The following LRIF1 variants were observed in gnomAD, a reference collection of about 807,000 sequenced individuals.
LRIF1 encodes ligand dependent nuclear receptor interacting factor 1, also known as ligand-dependent nuclear receptor-interacting factor 1.
In LRIF1, 32 loss-of-function variants were observed where a neutral mutation model predicts 52.7. The observed-to-expected ratio is 0.61, with a 90% CI of 0.46 to 0.82. The LOEUF (loss-of-function observed/expected upper bound fraction) is 0.82. LRIF1 is among the 40% of genes least tolerant of loss of function. The pLI is 0.00. For synonymous variants in LRIF1, 323 were observed against 317.4 expected (o/e 1.02, Z -0.19); for missense variants, 887 against 892.0 (o/e 0.99, Z 0.07).
the LRIF1 span, chr1:110,941,407 G>A: frequency 6.6e-6 from 1 of 151,986 alleles, no homozygotes; most frequent in Non-Finnish European, 1.5e-5. Flanking sequence ...CTCCAACAGT[G>A]AGAAACCTGG....
chr1:110,877,384 A>T, the LRIF1 span, among the ~76,000 whole-genome samples: 1 of 152,220 alleles, frequency 6.6e-6, no homozygotes, highest in Non-Finnish European at 1.5e-5. Context: ...CCTCTAGCCG[A>T]GGGACCCCGT....
At chr1:110,902,512 A>AG in the LRIF1 span, among the ~76,000 whole-genome samples, 4 of 148,934 alleles carry the variant, frequency 2.7e-5, no homozygotes, top group South Asian at 6.4e-4. Flanking sequence ...AAAAAAAAAA[A>AG]AAAAAAAAGA....
chr1:110,932,460 A>T, the LRIF1 span, among the ~76,000 whole-genome samples: 1 of 152,148 alleles, frequency 6.6e-6, no homozygotes. Flanking sequence ...TGTCTTGGCA[A>T]TGTGGGCTCT....
chr1:110,949,452 C>T (rs1208235241), intron 3 of LRIF1, among the ~76,000 whole-genome samples: 1 of 143,726 alleles, frequency 7.0e-6, no homozygotes, highest in Non-Finnish European at 1.5e-5. Flanking sequence ...TGGAGTCCTG[C>T]CCTGTCGCCT....
At chr1:110,875,593 C>T in the LRIF1 span, among the ~76,000 whole-genome samples, 1 of 152,296 alleles carries the variant, frequency 6.6e-6, no homozygotes, top group Non-Finnish European at 1.5e-5. Flanking sequence ...ACTTCTTGTA[C>T]CAAGCAAGCA....
At chr1:110,920,597 C>T in the LRIF1 span, among the ~76,000 whole-genome samples, 52 of 152,234 alleles carry the variant, frequency 3.4e-4, 1 homozygote, top group Admixed American at 1.3e-3. Flanking sequence ...TCTTATAATA[C>T]TACAATGGTA....
chr1:110,947,395 A>G lies in LRIF1; in HGVS notation c.*564T>C, dbSNP rs925942466. The stretch of plus-strand genomic sequence containing the variant: ...TATAAAATTACATTGTAAAGTTACA[A>G]ATGTTGCTCATTCTTGAGAAATGTT... On this transcript the variant is annotated 3_prime_UTR_variant, in exon 4 of 4. Transcript: ENST00000369763. 6.6e-6 allele frequency: 1 copy of G among 152,246 alleles called. No homozygotes were observed. The highest frequency in any genetic ancestry group is 2.4e-5 in the African/African-American group (1 of 41,452). The allele number at this position is 152,246 out of a possible 1,614,324, so 9.4% of individuals were successfully genotyped here.
chr1:110,958,928 G>C (rs1356063562), intron 1 of LRIF1, among the ~76,000 whole-genome samples: 3 of 152,198 alleles, frequency 2.0e-5, no homozygotes, highest in African/African-American at 7.2e-5. Flanking sequence ...AGAATGCTAA[G>C]AAGTAATAAC....
intron 1 of LRIF1, among the ~76,000 whole-genome samples, chr1:110,962,951 C>T (rs1659023507): frequency 1.3e-5 from 2 of 151,966 alleles, no homozygotes; most frequent in Non-Finnish European, 2.9e-5. Context: ...TACTGATCAT[C>T]TATTTTCTAA....
chr1:110,884,596 C>T, the LRIF1 span, among the ~76,000 whole-genome samples: 1 of 152,052 alleles, frequency 6.6e-6, no homozygotes, highest in Non-Finnish European at 1.5e-5. Context: ...TCTATATCTT[C>T]TTTCAGTTCT....
chr1:110,877,253 C>T, the LRIF1 span, among the ~76,000 whole-genome samples: 2 of 152,086 alleles, frequency 1.3e-5, no homozygotes, highest in African/African-American at 4.8e-5. Flanking sequence ...CTGATGTTTC[C>T]TCATGATTAG....
chr1:110,881,626 G>C, the LRIF1 span, among the ~76,000 whole-genome samples: 1 of 152,144 alleles, frequency 6.6e-6, no homozygotes, highest in Admixed American at 6.5e-5. Flanking sequence ...AAATACCTAG[G>C]AGTAGAATGG....
the LRIF1 span, among the ~76,000 whole-genome samples, chr1:110,898,663 A>G: frequency 6.9e-6 from 1 of 145,850 alleles, no homozygotes; most frequent in Non-Finnish European, 1.5e-5. Flanking sequence ...CCTTTTTAAT[A>G]AAAAAGGACA....
the LRIF1 span, among the ~76,000 whole-genome samples, chr1:110,886,596 C>A: frequency 6.6e-6 from 1 of 151,986 alleles, no homozygotes; most frequent in East Asian, 1.9e-4. Flanking sequence ...CACCTGTAAT[C>A]CCAGCACTTT....
At chr1:110,954,013 C>T (rs1018000928) in intron 1 of LRIF1, among the ~76,000 whole-genome samples, 4 of 152,038 alleles carry the variant, frequency 2.6e-5, no homozygotes, top group Non-Finnish European at 4.4e-5. Flanking sequence ...CATCCATATA[C>T]CATAGACCTA....
chr1:110,948,129 A>C lies in LRIF1; in HGVS notation c.2140T>G (p.Tyr714Asp). ...EKGTLNSNAA[Y>D]EQSHFFNKNY... ...TTATTGAAGAAATGACTTTGTTCATAAGCTGCATTTGAATTCAAAGTGCCT... is the reference window on the plus strand; with the variant it reads ...TTATTGAAGAAATGACTTTGTTCATCAGCTGCATTTGAATTCAAAGTGCCT... The change falls in exon 4 of 4, where the codon TAT (tyrosine) becomes GAT (aspartate). Residue 714 changes from tyrosine to aspartate, a missense_variant. Tyr to Asp is a radical substitution (Grantham distance 160, BLOSUM62 -3). Coordinates refer to ENST00000369763, the MANE Select transcript of LRIF1 (RefSeq NM_018372.4). 1 of 1,614,068 alleles carries C rather than the reference A, an allele frequency of 6.2e-7. No homozygotes were observed. Among genetic ancestry groups the C allele is most frequent in the African/African-American group, 1.3e-5 (1 of 75,026 alleles).
At chr1:110,899,308 C>A in the LRIF1 span, 1 of 721,072 alleles carries the variant, frequency 1.4e-6, no homozygotes, top group South Asian at 1.7e-5. Flanking sequence ...CATCCTTTCC[C>A]TTTTTAGGTC....
At chr1:110,898,221 C>G in the LRIF1 span, among the ~76,000 whole-genome samples, 1 of 151,722 alleles carries the variant, frequency 6.6e-6, no homozygotes, top group Non-Finnish European at 1.5e-5. Flanking sequence ...ACTAAAAATA[C>G]AAAAAATTAA....
chr1:110,945,390 CT>C (rs1303692040), downstream of LRIF1, among the ~76,000 whole-genome samples: 1 of 151,876 alleles, frequency 6.6e-6, no homozygotes, highest in African/African-American at 2.4e-5. Flanking sequence ...TTCCCTCCCC[CT>C]CTTCCTTCTT....
Sources: gnomAD v4.1 joint callset for allele counts (sites outside exome capture counted in the v4.1 genomes callset) on GRCh38, gnomAD v4.1.1 for gene constraint, MANE v1.5 for transcripts, NCBI Gene and HGNC (gene_info 2026-07-23, HGNC 2026-07-21) for gene names.